NF1: variants seen among roughly 807,000 people sequenced by gnomAD.
NF1 encodes the protein neurofibromin.
Under a neutral mutation model 325.7 loss-of-function variants are expected in NF1, and 122 were observed. The ratio of observed to expected loss-of-function variants is 0.37; its 90% CI spans 0.32 to 0.44. The LOEUF is 0.44. Ranked by LOEUF, NF1 falls within the 20% of genes least tolerant of loss-of-function variation. NF1 has a pLI of 1.00. For missense variants in NF1, 2,140 were observed against 3,415.4 expected (o/e 0.63, Z 9.31); for synonymous variants, 1,091 against 1,186.0 (o/e 0.92, Z 1.65).
At position 31,318,785 on chromosome 17, in the gene NF1, T is replaced by C. The variant is rs760473963; in HGVS notation, c.4836-7035T>C. The C allele has an allele frequency of 4.3e-6, 7 of 1,614,014 alleles. No homozygotes were observed. The East Asian group carries it at 1.6e-4, about 36-fold the overall frequency. On this transcript the variant is annotated intron_variant, in intron 36 of 57. Coordinates refer to ENST00000358273, the MANE Select transcript of NF1 (RefSeq NM_001042492.3). ...GCTACGATGTGAGATGTTTCAGGCA[T>C]GTTTGTAGAATTACCTTTATAATCT...
At chr17:31,280,121 T>C (rs1364112370) in intron 36 of NF1, among the ~76,000 whole-genome samples, 2 of 152,166 alleles carry the variant, frequency 1.3e-5, no homozygotes, top group Non-Finnish European at 2.9e-5. Flanking sequence ...GCTTCAGCAG[T>C]TGTCTAAGCT....
At chr17:31,312,655 A>G (rs2068909415) in intron 36 of NF1, among the ~76,000 whole-genome samples, 1 of 152,160 alleles carries the variant, frequency 6.6e-6, no homozygotes, top group Non-Finnish European at 1.5e-5. Flanking sequence ...AATGAAATAA[A>G]CTAAATATTA....
At chr17:31,199,930 G>T (rs1362148553) in intron 8 of NF1, among the ~76,000 whole-genome samples, 4 of 152,126 alleles carry the variant, frequency 2.6e-5, no homozygotes, top group Admixed American at 2.6e-4. Flanking sequence ...GAGCCCAGGG[G>T]TTCAAGACCA....
At chr17:31,133,745 C>T (rs929253285) in intron 1 of NF1, 2 of 152,266 alleles carry the variant, frequency 1.3e-5, no homozygotes, top group African/African-American at 2.4e-5. Flanking sequence ...CAACCTCCGC[C>T]TCCCGGGTTC....
Position 31,376,685 on chromosome 17 carries a change from T to C in NF1, c.*2530T>C, listed in dbSNP as rs1255979118. 8.6e-6 allele frequency: 2 copies of C among 233,044 alleles called. No homozygotes were observed. Among genetic ancestry groups the C allele is most frequent in the African/African-American group, 4.4e-5 (2 of 45,326 alleles). 14.4% of individuals were successfully genotyped at this position (233,044 alleles called of 1,614,324 possible). ...GACCAAGTTGCCCATTTCTGCGTAA[T>C]TGACATAAGTTCTGTTAAAAATATT... On this transcript the variant is annotated 3_prime_UTR_variant, in exon 58 of 58. Coordinates refer to ENST00000358273, the MANE Select transcript of NF1 (RefSeq NM_001042492.3).
chr17:31,210,238 A>G (rs2066704391), intron 12 of NF1, among the ~76,000 whole-genome samples: 1 of 152,162 alleles, frequency 6.6e-6, no homozygotes, highest in Admixed American at 6.6e-5. Context: ...CATTTAGTAC[A>G]TGTTTGCAGA....
intron 1 of NF1, among the ~76,000 whole-genome samples, chr17:31,127,440 A>ATTAACTGGAAT (rs1914980097): frequency 6.6e-6 from 1 of 152,080 alleles, no homozygotes; most frequent in African/African-American, 2.4e-5. Flanking sequence ...AAATCATTCC[A>ATTAACTGGAAT]GTTAAGTTTT....
At chr17:31,315,970 C>G (rs557777665) in intron 36 of NF1, among the ~76,000 whole-genome samples, 1 of 152,228 alleles carries the variant, frequency 6.6e-6, no homozygotes, top group African/African-American at 2.4e-5. Flanking sequence ...CTGTGTTGCG[C>G]AGGCTGGTCT....
intron 31 of NF1, chr17:31,254,227 G>C (rs2067541404): frequency 7.7e-6 from 1 of 130,320 alleles, no homozygotes; most frequent in Non-Finnish European, 1.5e-5. Context: ...AGCTGTGATT[G>C]TATCACTGTA....
intron 1 of NF1, among the ~76,000 whole-genome samples, chr17:31,151,135 A>T (rs1272151388): frequency 6.6e-6 from 1 of 152,224 alleles, no homozygotes; most frequent in African/African-American, 2.4e-5. Flanking sequence ...CCTCAGTATT[A>T]TAATATGGTA....
In NF1 at chr17:31,327,629, C is replaced by G. The variant is rs2151541219; in HGVS notation, c.5399C>G (p.Thr1800Ser). ...EICLVDENQF[T>S]LTIANQGTPL... ...TGCCTAGTAGATGAGAACCAGTTCA[C>G]CTTAACCATTGCAAACCAGGGCACG... Residue 1800 changes from threonine to serine, a missense_variant, in exon 38 of 58, where the codon ACC (threonine) becomes AGC (serine). Physicochemically the swap from Thr to Ser is moderately conservative, Grantham distance 58. Transcript: ENST00000358273. 1 of 1,614,124 alleles carries G rather than the reference C, an allele frequency of 6.2e-7. No individual in the cohort carries two copies. Among genetic ancestry groups the G allele is most frequent in the Admixed American group, 1.7e-5 (1 of 60,018 alleles).
chr17:31,225,848 T>A (rs2067003369), intron 17 of NF1, among the ~76,000 whole-genome samples: 1 of 152,244 alleles, frequency 6.6e-6, no homozygotes, highest in African/African-American at 2.4e-5. Context: ...TATTTACTAA[T>A]GTCTGTTTTA....
intron 5 of NF1, among the ~76,000 whole-genome samples, chr17:31,173,721 T>C (rs531175907): frequency 6.6e-6 from 1 of 152,284 alleles, no homozygotes; most frequent in South Asian, 2.1e-4. Flanking sequence ...AAGGAAAGGT[T>C]GATGGCAGAA....
At chr17:31,095,977 G>A (rs748739245) in intron 1 of NF1, among the ~76,000 whole-genome samples, 3 of 151,982 alleles carry the variant, frequency 2.0e-5, no homozygotes, top group Non-Finnish European at 4.4e-5. Flanking sequence ...TGCCCCGAGA[G>A]CTTCAAGTGC....
chr17:31,242,370 C>T (rs1412572600), intron 29 of NF1, among the ~76,000 whole-genome samples: 2 of 122,028 alleles, frequency 1.6e-5, no homozygotes, highest in African/African-American at 6.6e-5. Context: ...GGCTGCAGTG[C>T]AATGGTGCAA....
At chr17:31,345,330 G>A (rs911040031) in intron 48 of NF1, among the ~76,000 whole-genome samples, 1 of 152,114 alleles carries the variant, frequency 6.6e-6, no homozygotes, top group East Asian at 1.9e-4. Flanking sequence ...CCTGCGACTC[G>A]GTCCCGGCGC....
chr17:31,231,785 C>T (rs776824108), intron 24 of NF1, among the ~76,000 whole-genome samples: 4 of 151,976 alleles, frequency 2.6e-5, no homozygotes, highest in Non-Finnish European at 5.9e-5. Context: ...GGATATAGAA[C>T]TCACTGATAC....
At chr17:31,219,159 G>GT (rs1225138144) in intron 14 of NF1, 41 bp downstream of exon 14, 8 of 1,575,140 alleles carry the variant, frequency 5.1e-6, no homozygotes, top group Non-Finnish European at 6.9e-6. Context: ...AGGAAAGATT[G>GT]TAACTATGTA....
intron 27 of NF1, 35 bp downstream of exon 27, chr17:31,233,248 C>T (rs1232171018): frequency 6.5e-7 from 1 of 1,536,906 alleles, no homozygotes; most frequent in Non-Finnish European, 9.0e-7. Flanking sequence ...AGAAAAGTGC[C>T]TGGCACATAG....
Sources: allele counts gnomAD v4.1 joint callset (sites outside exome capture counted in the v4.1 genomes callset), GRCh38; gene constraint gnomAD v4.1.1; transcripts MANE v1.5; gene names NCBI Gene and HGNC (gene_info 2026-07-23, HGNC 2026-07-21).